Variants in GRID2 observed in about 807,000 individuals in gnomAD.
The protein encoded by GRID2 is glutamate receptor ionotropic, delta-2.
GRID2 carries 33 observed loss-of-function variants against 114.8 expected under a neutral mutation model. The ratio of observed to expected loss-of-function variants is 0.29; its 90% CI spans 0.22 to 0.38. The LOEUF (loss-of-function observed/expected upper bound fraction) is 0.38. GRID2 is among the 10% of genes least tolerant of loss of function. The probability of loss-of-function intolerance (pLI) is 1.00; values close to 1 mark genes in which losing one functional copy is unlikely to be tolerated. For synonymous variants in GRID2, 505 were observed against 449.9 expected (o/e 1.12, Z -1.55); for missense variants, 1,184 against 1,257.7 (o/e 0.94, Z 0.89).
chr4:92,384,572 T>C (rs1729814039), intron 1 of GRID2, among the ~76,000 whole-genome samples: 1 of 72,326 alleles, frequency 1.4e-5, no homozygotes, highest in Non-Finnish European at 2.4e-5. Context: ...TAATATAATA[T>C]ATAAAATATA....
intron 4 of GRID2, among the ~76,000 whole-genome samples, chr4:93,157,081 C>T (rs377703003): frequency 1.3e-5 from 2 of 151,714 alleles, no homozygotes; most frequent in Non-Finnish European, 3.0e-5. Context: ...TACTCAATCC[C>T]TTCTGTTAAA....
chr4:92,513,053 C>G (rs1724333643), intron 1 of GRID2, among the ~76,000 whole-genome samples: 1 of 151,786 alleles, frequency 6.6e-6, no homozygotes, highest in South Asian at 2.1e-4. Context: ...ATAGTGTAAA[C>G]AGCACATTTG....
chr4:93,033,858 T>C (rs996598351), intron 2 of GRID2, among the ~76,000 whole-genome samples: 2 of 152,212 alleles, frequency 1.3e-5, no homozygotes, highest in African/African-American at 4.8e-5. Flanking sequence ...ATTTATTTAT[T>C]CATTCATTTT....
intron 12 of GRID2, among the ~76,000 whole-genome samples, chr4:93,505,169 T>C (rs1282713792): frequency 2.6e-5 from 4 of 152,070 alleles, no homozygotes; most frequent in Non-Finnish European, 4.4e-5. Flanking sequence ...CTCTGGTAAC[T>C]CTTTCAACTC....
intron 4 of GRID2, chr4:93,164,666 G>GA (rs1738075153): frequency 2.5e-6 from 1 of 398,212 alleles, no homozygotes; most frequent in Admixed American, 2.6e-5. Context: ...GGTTATCCTT[G>GA]TTTGAGGAAT....
At chr4:93,243,781 G>A (rs368815576) in intron 8 of GRID2, among the ~76,000 whole-genome samples, 1 of 151,984 alleles carries the variant, frequency 6.6e-6, no homozygotes, top group East Asian at 1.9e-4. Flanking sequence ...ATTTTTACAT[G>A]TTCTTCTATT....
chr4:93,238,323 A>AT (rs538899842), intron 7 of GRID2, 48 bp from the exon 8 acceptor site: 8 of 1,404,886 alleles, frequency 5.7e-6, no homozygotes, highest in East Asian at 2.4e-5. Flanking sequence ...TTATTTATTT[A>AT]TTTTTTTACT....
At chr4:92,826,322 C>T (rs1350713845) in intron 2 of GRID2, among the ~76,000 whole-genome samples, 3 of 152,110 alleles carry the variant, frequency 2.0e-5, no homozygotes, top group African/African-American at 7.2e-5. Context: ...TTGCTCTTTA[C>T]ATTAATCTTC....
intron 2 of GRID2, among the ~76,000 whole-genome samples, chr4:92,819,152 T>C (rs962415676): frequency 2.0e-5 from 3 of 152,120 alleles, no homozygotes; most frequent in Non-Finnish European, 4.4e-5. Context: ...TAGGAAAGCA[T>C]AGTATCATTC....
chr4:92,608,403 C>G (rs1729565494), intron 2 of GRID2, among the ~76,000 whole-genome samples: 1 of 151,798 alleles, frequency 6.6e-6, no homozygotes, highest in Non-Finnish European at 1.5e-5. Flanking sequence ...GATGCCGCTT[C>G]AAAGGTACAA....
intron 11 of GRID2, among the ~76,000 whole-genome samples, chr4:93,482,810 C>G (rs548716560): frequency 1.0e-3 from 158 of 152,058 alleles, no homozygotes; most frequent in African/African-American, 3.2e-3. Context: ...AAAGCCATCT[C>G]TTATACCCAT....
rs1000236616 is a variant in GRID2 at position 93,338,458 on chromosome 4, C to T, written c.1246-57149C>T. 3.9e-5 allele frequency among the ~76,000 whole-genome samples: 6 copies of T among 151,960 alleles called. No homozygotes were observed. In the East Asian group the frequency reaches 7.7e-4, roughly 20 times the overall value. On this transcript the variant is annotated intron_variant, in intron 8 of 15. Transcript: ENST00000282020. ...TGCATAGCATGCTGCCATATGGATG[C>T]AATAGGTGTGAATCATTCTCAAGAA...
At chr4:93,046,260 C>T (rs1218538553) in intron 2 of GRID2, among the ~76,000 whole-genome samples, 1 of 152,040 alleles carries the variant, frequency 6.6e-6, no homozygotes, top group Non-Finnish European at 1.5e-5. Flanking sequence ...TAAGCCATGA[C>T]CAGTGATGAC....
intron 1 of GRID2, among the ~76,000 whole-genome samples, chr4:92,530,048 GTT>G (rs35734039): frequency 0.045 from 6,532 of 145,572 alleles, 456 homozygotes; most frequent in African/African-American, 0.16. Context: ...GATAAGAAGG[GTT>G]TTTTTTTTTT....
intron 2 of GRID2, among the ~76,000 whole-genome samples, chr4:93,009,705 G>A (rs1177402987): frequency 6.6e-6 from 1 of 151,956 alleles, no homozygotes; most frequent in Non-Finnish European, 1.5e-5. Context: ...TTTGCCCTTA[G>A]CAGCTAGAAG....
intron 2 of GRID2, among the ~76,000 whole-genome samples, chr4:92,892,340 G>A (rs1746851235): frequency 6.6e-6 from 1 of 151,704 alleles, no homozygotes; most frequent in Non-Finnish European, 1.5e-5. Context: ...GGTAAATGAT[G>A]TTTTCAAATA....
intron 2 of GRID2, among the ~76,000 whole-genome samples, chr4:92,704,201 C>T (rs1734826595): frequency 6.6e-6 from 1 of 152,102 alleles, no homozygotes; most frequent in Non-Finnish European, 1.5e-5. Context: ...TGGCATGAAT[C>T]CGGGAGGCGG....
At position 93,202,339 on chromosome 4, in the gene GRID2, G is replaced by C. The variant is rs187547302; in HGVS notation, c.736-5065G>C. Among the ~76,000 whole-genome samples, 8 of 152,186 alleles carry C rather than the reference G, an allele frequency of 5.3e-5. No individual in the cohort carries two copies. The East Asian group carries it at 1.5e-3, about 29-fold the overall frequency. ...ATATTTCTAAGAATTCACACAATGA[G>C]CCCAAACAACTATAATAATGATGTG... On this transcript the variant is annotated intron_variant, in intron 4 of 15. Transcript: ENST00000282020.
At chr4:92,532,486 T>G (rs556818029) in intron 1 of GRID2, among the ~76,000 whole-genome samples, 1 of 152,312 alleles carries the variant, frequency 6.6e-6, no homozygotes, top group Admixed American at 6.5e-5. Flanking sequence ...TATGTTCCCC[T>G]TTTTTGATGA....
Sources: allele counts gnomAD v4.1 joint callset (sites outside exome capture counted in the v4.1 genomes callset), GRCh38; gene constraint gnomAD v4.1.1; transcripts MANE v1.5; gene names NCBI Gene and HGNC (gene_info 2026-07-23, HGNC 2026-07-21).